The following ANKRD16 variants were observed in gnomAD, a reference collection of about 807,000 sequenced individuals.
The protein encoded by ANKRD16 is ankyrin repeat domain 16, also known as ankyrin repeat domain-containing protein 16.
A neutral mutation model predicts 37.9 loss-of-function variants in ANKRD16; 35 were observed. The ratio of observed to expected loss-of-function variants is 0.92; its 90% CI spans 0.71 to 1.23. The LOEUF is 1.23. Among genes scored for constraint, ANKRD16 ranks in the 50% most tolerant of loss-of-function variants. The pLI is 0.00. For missense variants in ANKRD16, 480 were observed against 469.9 expected (o/e 1.02, Z -0.20); for synonymous variants, 206 against 197.2 (o/e 1.04, Z -0.37).
Position 5,889,145 on chromosome 10 carries a change from G to A in ANKRD16, c.210C>T (p.Asp70=), listed in dbSNP as rs1337109288. The A allele has an allele frequency of 6.3e-7, 1 of 1,598,536 alleles. No homozygotes were observed. The highest frequency in any genetic ancestry group is 1.3e-5 in the African/African-American group (1 of 74,876). The change falls in exon 1 of 8, where the codon GAC becomes GAT. Residue 70 remains aspartate, a synonymous_variant. Coordinates refer to ENST00000380094, the MANE Select transcript of ANKRD16 (RefSeq NM_019046.3). Reference sequence around the variant, plus strand: ...CCGCCTCGTGCAGAGGCCGCTTGTAGTCTCGGTTGGTGGCCTCGATGTCCA... The same window carrying A: ...CCGCCTCGTGCAGAGGCCGCTTGTAATCTCGGTTGGTGGCCTCGATGTCCA... ...WGMDIEATNR[D]YKRPLHEAAS...
At chr10:5,867,083 A>C (rs1842026335) in intron 7 of ANKRD16, among the ~76,000 whole-genome samples, 1 of 152,216 alleles carries the variant, frequency 6.6e-6, no homozygotes, top group Admixed American at 6.5e-5. Flanking sequence ...TATAATTGAT[A>C]ATTGAAGGTC....
rs569601078 is a variant in ANKRD16, at chr10:5,870,650, T to G, written c.*33+7447A>C. Among the ~76,000 whole-genome samples, 2 of 152,266 alleles carry G rather than the reference T, an allele frequency of 1.3e-5. No individual in the cohort carries two copies. Among genetic ancestry groups the G allele is most frequent in the African/African-American group, 4.8e-5 (2 of 41,540 alleles). ...ATCTGCCCGCCTTGGCCTCCCAAAG[T>G]GTTGGGATTACAGGCGTGAGCCACG... On this transcript the variant is annotated intron_variant, in intron 7 of 7. Coordinates refer to ENST00000380094, the MANE Select transcript of ANKRD16 (RefSeq NM_019046.3). The surrounding 1 kb of genome is among the most constrained non-coding windows in gnomAD (Gnocchi z 5.0).
At chr10:5,876,215 T>A (rs1371159506) in intron 7 of ANKRD16, among the ~76,000 whole-genome samples, 1 of 152,178 alleles carries the variant, frequency 6.6e-6, no homozygotes, top group Non-Finnish European at 1.5e-5. Flanking sequence ...CACTGCCATC[T>A]CTGGGTGTTT....
At chr10:5,872,780 TTTC>T (rs1383023749) in intron 7 of ANKRD16, among the ~76,000 whole-genome samples, 1 of 151,940 alleles carries the variant, frequency 6.6e-6, no homozygotes, top group Non-Finnish European at 1.5e-5. Context: ...ATGGTCTTAA[TTTC>T]CTGACCTCGT....
At position 5,870,208 on chromosome 10, in the gene ANKRD16, T is replaced by C. The variant is rs536101931; in HGVS notation, c.*34-7517A>G. The stretch of plus-strand genomic sequence containing the variant: ...CAAGCTCCAGGTTCTGCCTTCCCAT[T>C]CTCTCTCAAACCTGCTCTGATCTTT... On this transcript the variant is annotated intron_variant, in intron 7 of 7. Transcript: ENST00000380094. The surrounding 1 kb of genome is among the most constrained non-coding windows in gnomAD (Gnocchi z 5.0). 7.2e-5 allele frequency among the ~76,000 whole-genome samples: 11 copies of C among 151,774 alleles called. No individual in the cohort carries two copies. The South Asian group carries it at 2.3e-3, about 32-fold the overall frequency.
chr10:5,875,579 A>C (rs748370752), intron 7 of ANKRD16, among the ~76,000 whole-genome samples: 12 of 152,224 alleles, frequency 7.9e-5, no homozygotes, highest in Non-Finnish European at 1.8e-4. Flanking sequence ...AAAGGAGGTG[A>C]GTAAAGTAAC....
chr10:5,876,082 C>T (rs1564415892), intron 7 of ANKRD16, among the ~76,000 whole-genome samples: 1 of 152,148 alleles, frequency 6.6e-6, no homozygotes, highest in African/African-American at 2.4e-5. Flanking sequence ...CTGGGTTTCA[C>T]CATGTTGGCC....
rs1842057690 is a variant in ANKRD16, at chr10:5,869,487, C to A, written c.*34-6796G>T. 2.0e-5 allele frequency among the ~76,000 whole-genome samples: 3 copies of A among 152,086 alleles called. No homozygotes were observed. Among genetic ancestry groups the A allele is most frequent in the African/African-American group, 7.2e-5 (3 of 41,410 alleles). The stretch of plus-strand genomic sequence containing the variant: ...TGCTCCCCTAATGGACTATTTCACC[C>A]TTCCCTAACTCGTCAGACCTCCCAT... On this transcript the variant is annotated intron_variant, in intron 7 of 7. Transcript: ENST00000380094. The surrounding 1 kb of genome is among the most constrained non-coding windows in gnomAD (Gnocchi z 4.0).
rs899825248 is a variant in ANKRD16 at position 5,872,225 on chromosome 10, A to T, written c.*33+5872T>A. On this transcript the variant is annotated intron_variant, in intron 7 of 7. Coordinates refer to ENST00000380094, the MANE Select transcript of ANKRD16 (RefSeq NM_019046.3). The stretch of plus-strand genomic sequence containing the variant: ...CAAGTGTGGTGGCTCACACCTGTAA[A>T]CCTAGCACTTTGGGAGGCTGAGGCG... Among the ~76,000 whole-genome samples, 7 of 152,132 alleles carry T rather than the reference A, an allele frequency of 4.6e-5. No homozygotes were observed. The East Asian group carries it at 1.4e-3, about 29-fold the overall frequency.
At chr10:5,881,061 A>C in intron 5 of ANKRD16, 1 of 513,486 alleles carries the variant, frequency 1.9e-6, no homozygotes. Context: ...AGCCTCCCAA[A>C]GTGTTGGGAT....
In ANKRD16 at chr10:5,868,213, C is replaced by A. The variant is rs940251528; in HGVS notation, c.*34-5522G>T. ...TACAGATGGTCTTACAAATGGAACCCCAAATGAGCTCAACTAACTTCTACT... is the reference window on the plus strand; with the variant it reads ...TACAGATGGTCTTACAAATGGAACCACAAATGAGCTCAACTAACTTCTACT... On this transcript the variant is annotated intron_variant, in intron 7 of 7. Coordinates refer to ENST00000380094, the MANE Select transcript of ANKRD16 (RefSeq NM_019046.3). The surrounding 1 kb of genome is among the most constrained non-coding windows in gnomAD (Gnocchi z 4.9). Among the ~76,000 whole-genome samples, 2 of 152,132 alleles carry A rather than the reference C, an allele frequency of 1.3e-5. No individual in the cohort carries two copies. The highest frequency in any genetic ancestry group is 2.4e-5 in the African/African-American group (1 of 41,432).
In ANKRD16 at chr10:5,865,519, G is replaced by A. The variant is rs1272598874; in HGVS notation, c.*34-2828C>T. ...TCCTGTCCCAGACAGCTGTCCTTGA[G>A]GTCTGTTACCATCTGAGGCTCAGTG... On this transcript the variant is annotated intron_variant, in intron 7 of 7. Transcript: ENST00000380094. This position sits in a 1 kb window ranked among gnomAD's most constrained non-coding sequence, Gnocchi z 4.7. Among the ~76,000 whole-genome samples the A allele has an allele frequency of 6.6e-6, 1 of 152,108 alleles. No homozygotes were observed. Among genetic ancestry groups the A allele is most frequent in the Non-Finnish European group, 1.5e-5 (1 of 67,992 alleles).
intron 1 of ANKRD16, 49 bp downstream of exon 1, chr10:5,888,992 G>T (rs751493144): frequency 1.4e-6 from 2 of 1,471,096 alleles, no homozygotes; most frequent in Non-Finnish European, 1.8e-6. Context: ...AACTCGCTAC[G>T]ACTCTGCGAG....
rs966849618 is a variant in ANKRD16 at position 5,868,515 on chromosome 10, C to T, written c.*34-5824G>A. 2.0e-5 allele frequency among the ~76,000 whole-genome samples: 3 copies of T among 152,154 alleles called. No individual in the cohort carries two copies. The highest frequency in any genetic ancestry group is 4.8e-5 in the African/African-American group (2 of 41,430). On this transcript the variant is annotated intron_variant, in intron 7 of 7. Coordinates refer to ENST00000380094, the MANE Select transcript of ANKRD16 (RefSeq NM_019046.3). The surrounding 1 kb of genome is among the most constrained non-coding windows in gnomAD (Gnocchi z 4.9). ...CCAATCAGCACTCTATAAAAATGCA[C>T]CAATCAGCGCTCTGTGTCTAGCTAA...
intron 3 of ANKRD16, among the ~76,000 whole-genome samples, chr10:5,884,464 C>T (rs1456675618): frequency 6.6e-6 from 1 of 152,206 alleles, no homozygotes; most frequent in Non-Finnish European, 1.5e-5. Flanking sequence ...GGCACAGTGG[C>T]TCACGACTGT....
chr10:5,885,704 C>T lies in ANKRD16; in HGVS notation c.578+19G>A, dbSNP rs1438067067. 1 of 1,613,578 alleles carries T rather than the reference C, an allele frequency of 6.2e-7. No homozygotes were observed. The highest frequency in any genetic ancestry group is 1.1e-5 in the South Asian group (1 of 91,026). ...CATAGTTAGCAAATATTTTCCCTGACTTGCTGTATTGTTCTTACCTCTTAA... is the reference window on the plus strand; with the variant it reads ...CATAGTTAGCAAATATTTTCCCTGATTTGCTGTATTGTTCTTACCTCTTAA... On this transcript the variant is annotated intron_variant, in intron 3 of 7. Coordinates refer to ENST00000380094, the MANE Select transcript of ANKRD16 (RefSeq NM_019046.3).
Position 5,866,884 on chromosome 10 carries a change from G to A in ANKRD16, c.*34-4193C>T, listed in dbSNP as rs1026139975. 6.6e-6 allele frequency among the ~76,000 whole-genome samples: 1 copy of A among 151,484 alleles called. No homozygotes were observed. The highest frequency in any genetic ancestry group is 1.5e-5 in the Non-Finnish European group (1 of 67,874). On this transcript the variant is annotated intron_variant, in intron 7 of 7. Coordinates refer to ENST00000380094, the MANE Select transcript of ANKRD16 (RefSeq NM_019046.3). This position sits in a 1 kb window ranked among gnomAD's most constrained non-coding sequence, Gnocchi z 4.3. ...AAGTCAAAGAGAGAAGGAGAGAGAGGAAGAGACAGACAAAGAAGAGTCAGA... is the reference window on the plus strand; with the variant it reads ...AAGTCAAAGAGAGAAGGAGAGAGAGAAAGAGACAGACAAAGAAGAGTCAGA...
At position 5,870,067 on chromosome 10, in the gene ANKRD16, C is replaced by T. The variant is rs146094516; in HGVS notation, c.*34-7376G>A. On this transcript the variant is annotated intron_variant, in intron 7 of 7. Coordinates refer to ENST00000380094, the MANE Select transcript of ANKRD16 (RefSeq NM_019046.3). This position sits in a 1 kb window ranked among gnomAD's most constrained non-coding sequence, Gnocchi z 5.0. Reference sequence around the variant, plus strand: ...CTAGTTGCTTCGTACAGACATTAGACTCATTCCTCCTCCTCACTTTCTGTT... The same window carrying T: ...CTAGTTGCTTCGTACAGACATTAGATTCATTCCTCCTCCTCACTTTCTGTT... 1.6e-3 allele frequency among the ~76,000 whole-genome samples: 250 copies of T among 152,148 alleles called. 1 individual carries two copies. In the Middle Eastern group the frequency reaches 0.017, roughly 10 times the overall value.
chr10:5,878,021 T>A lies in ANKRD16; in HGVS notation c.*33+76A>T. 7.0e-7 allele frequency: 1 copy of A among 1,436,046 alleles called. No individual in the cohort carries two copies. Among genetic ancestry groups the A allele is most frequent in the Non-Finnish European group, 9.5e-7 (1 of 1,055,516 alleles). 89.0% of individuals were successfully genotyped at this position (1,436,046 alleles called of 1,614,324 possible). Reference sequence around the variant, plus strand: ...ATGCAGGATGAGGGAAGGGAGGAAGTGGAGGAGATGGAAAACTGGCTTCCA... The same window carrying A: ...ATGCAGGATGAGGGAAGGGAGGAAGAGGAGGAGATGGAAAACTGGCTTCCA... On this transcript the variant is annotated intron_variant, in intron 7 of 7. Transcript: ENST00000380094. This position sits in a 1 kb window ranked among gnomAD's most constrained non-coding sequence, Gnocchi z 5.1.
Sources: gnomAD v4.1 joint callset for allele counts (sites outside exome capture counted in the v4.1 genomes callset) on GRCh38, gnomAD v4.1.1 for gene constraint, Gnocchi (gnomAD v3.1) non-coding constraint, MANE v1.5 for transcripts, NCBI Gene and HGNC (gene_info 2026-07-23, HGNC 2026-07-21) for gene names.